Variants in PHTF2 observed in about 807,000 individuals in gnomAD.
PHTF2 encodes protein PHTF2.
A neutral mutation model predicts 101.2 loss-of-function variants in PHTF2; 60 were observed. That is an observed-to-expected ratio of 0.59 (90% confidence interval 0.48 to 0.73). The LOEUF (loss-of-function observed/expected upper bound fraction) is 0.73. Among genes scored for constraint, PHTF2 ranks in the 30% least tolerant of loss-of-function variants. The probability of loss-of-function intolerance (pLI) is 0.00; values close to 1 mark genes in which losing one functional copy is unlikely to be tolerated. For missense variants in PHTF2, 747 were observed against 908.7 expected, an observed-to-expected ratio of 0.82 and a Z score of 2.29; for synonymous variants, 311 against 307.3, an observed-to-expected ratio of 1.01 and a Z score of -0.13.
chr7:77,955,093 T>A (rs1003320967), exon 20 of PHTF2: 1 of 294,154 alleles, frequency 3.4e-6, no homozygotes, highest in African/African-American at 2.2e-5. Context: ...TAAGCATTGA[T>A]GTACTTAGTT....
chr7:77,870,242 A>ATTTTGTTTTTTTTTTT (rs1798404587), intron 3 of PHTF2, among the ~76,000 whole-genome samples: 1 of 136,374 alleles, frequency 7.3e-6, no homozygotes. Context: ...TCTTTAATCC[A>ATTTTGTTTTTTTTTTT]TTTTGTTTTT....
chr7:77,835,896 G>T (rs943590814), intron 1 of PHTF2, among the ~76,000 whole-genome samples: 1 of 152,022 alleles, frequency 6.6e-6, no homozygotes, highest in Non-Finnish European at 1.5e-5. Flanking sequence ...GAGACGGGAG[G>T]ATCACCTGAG....
chr7:77,809,224 G>GTTTTTTTGT, intron 1 of PHTF2, among the ~76,000 whole-genome samples: 1 of 98,490 alleles, frequency 1.0e-5, no homozygotes, highest in East Asian at 2.7e-4. Flanking sequence ...CCAGTTCGTT[G>GTTTTTTTGT]TTTTTTTTTT....
intron 1 of PHTF2, among the ~76,000 whole-genome samples, chr7:77,810,942 G>A (rs1793392263): frequency 1.3e-5 from 2 of 150,818 alleles, no homozygotes; most frequent in Admixed American, 6.6e-5. Context: ...TTGCTCCTGT[G>A]GCCCAGGCTG....
intron 3 of PHTF2, among the ~76,000 whole-genome samples, chr7:77,878,073 C>T (rs953956614): frequency 7.9e-5 from 12 of 151,912 alleles, no homozygotes; most frequent in African/African-American, 1.7e-4. Context: ...GCCTACTGCC[C>T]GGAAAAACCA....
At chr7:77,841,746 G>A (rs1795904471) in intron 2 of PHTF2, among the ~76,000 whole-genome samples, 1 of 152,094 alleles carries the variant, frequency 6.6e-6, no homozygotes, top group Non-Finnish European at 1.5e-5. Flanking sequence ...GTTTGTTAGT[G>A]CCTCCTTTTA....
At chr7:77,910,192 G>C in intron 8 of PHTF2, 53 bp from the exon 8 acceptor site, 1 of 1,486,478 alleles carries the variant, frequency 6.7e-7, no homozygotes, top group Non-Finnish European at 9.2e-7. Flanking sequence ...TACTGAGAAA[G>C]TGGTTATTAA....
At chr7:77,901,725 A>G in intron 6 of PHTF2, 37 bp from the exon 6 acceptor site, 1 of 1,220,098 alleles carries the variant, frequency 8.2e-7, no homozygotes, top group Non-Finnish European at 1.1e-6. Context: ...AGAATAATAT[A>G]TAAATATACT....
At chr7:77,887,341 C>T (rs1406498146) in intron 3 of PHTF2, among the ~76,000 whole-genome samples, 2 of 151,724 alleles carry the variant, frequency 1.3e-5, no homozygotes, top group African/African-American at 2.4e-5. Flanking sequence ...TACTAAATTC[C>T]AGTATCTCAA....
chr7:77,823,967 G>C (rs1033955957), intron 1 of PHTF2, among the ~76,000 whole-genome samples: 1 of 152,174 alleles, frequency 6.6e-6, no homozygotes, highest in Non-Finnish European at 1.5e-5. Context: ...TGAAAGTAAA[G>C]CAACAATAAT....
intron 14 of PHTF2, 97 bp from the exon 14 acceptor site, chr7:77,940,431 A>G: frequency 7.7e-7 from 1 of 1,300,034 alleles, no homozygotes. Context: ...CTTTTATAGT[A>G]CCTAACCAAA....
chr7:77,905,500 G>A (rs1801772487), intron 7 of PHTF2, among the ~76,000 whole-genome samples: 1 of 150,384 alleles, frequency 6.6e-6, no homozygotes, highest in African/African-American at 2.5e-5. Flanking sequence ...TTAAAGTGCT[G>A]GGATTACAGT....
At chr7:77,849,389 C>T (rs1584481249) in intron 2 of PHTF2, among the ~76,000 whole-genome samples, 3 of 152,002 alleles carry the variant, frequency 2.0e-5, no homozygotes, top group Non-Finnish European at 4.4e-5. Flanking sequence ...TCACTCACCT[C>T]GGCCTCCTAA....
chr7:77,843,439 A>G (rs1044343432), intron 2 of PHTF2, among the ~76,000 whole-genome samples: 1 of 152,154 alleles, frequency 6.6e-6, no homozygotes, highest in Non-Finnish European at 1.5e-5. Context: ...CATCTAGTCC[A>G]TACTGAATAG....
At chr7:77,951,754 G>T in intron 18 of PHTF2, 42 bp downstream of exon 17, 4 of 799,558 alleles carry the variant, frequency 5.0e-6, no homozygotes, top group Non-Finnish European at 8.0e-6. Context: ...CAAATATGCT[G>T]TTCTGACATA....
At chr7:77,879,578 T>A (rs1051415212) in intron 3 of PHTF2, among the ~76,000 whole-genome samples, 1 of 152,170 alleles carries the variant, frequency 6.6e-6, no homozygotes, top group Non-Finnish European at 1.5e-5. Flanking sequence ...AAAGATGGAA[T>A]GTTTTTGTTT....
intron 3 of PHTF2, among the ~76,000 whole-genome samples, chr7:77,887,038 CCT>C (rs35301193): frequency 0.18 from 23,657 of 133,810 alleles, 2,097 homozygotes; most frequent in African/African-American, 0.28. Flanking sequence ...AGAGTGAGAC[CCT>C]GTCTTTAAAA....
chr7:77,879,656 TGGATGGATAATTGACATA>T (rs1409926174), intron 3 of PHTF2, among the ~76,000 whole-genome samples: 1 of 152,204 alleles, frequency 6.6e-6, no homozygotes, highest in African/African-American at 2.4e-5. Flanking sequence ...TGTCCAAGAA[TGGATGGATAATTGACATA>T]GTCAATTATC....
intron 3 of PHTF2, among the ~76,000 whole-genome samples, chr7:77,868,096 G>T (rs1798212531): frequency 6.6e-6 from 1 of 151,886 alleles, no homozygotes; most frequent in Admixed American, 6.6e-5. Flanking sequence ...CAGTCTCCTT[G>T]GATGGCATTT....
Sources: gnomAD v4.1 joint callset for allele counts (sites outside exome capture counted in the v4.1 genomes callset) on GRCh38, gnomAD v4.1.1 for gene constraint, MANE v1.5 for transcripts, NCBI Gene and HGNC (gene_info 2026-07-23, HGNC 2026-07-21) for gene names.